The following ITGAL variants were observed in gnomAD, a reference collection of about 807,000 sequenced individuals.
ITGAL encodes integrin alpha-L.
In ITGAL, 68 loss-of-function variants were observed where a neutral mutation model predicts 138.4. The ratio of observed to expected loss-of-function variants is 0.49; its 90% CI spans 0.40 to 0.60. The LOEUF is 0.60. Ranked by LOEUF, ITGAL falls within the 20% of genes least tolerant of loss-of-function variation. The pLI is 0.00. For synonymous variants in ITGAL, 561 were observed against 584.3 expected (o/e 0.96, Z 0.57); for missense variants, 1,256 against 1,478.6 (o/e 0.85, Z 2.47).
intron 7 of ITGAL, among the ~76,000 whole-genome samples, 164 bp downstream of exon 7, chr16:30,481,748 C>T (rs191039528): frequency 3.9e-5 from 6 of 152,224 alleles, no homozygotes; most frequent in East Asian, 3.9e-4. Context: ...TTTGGTTGTA[C>T]GTAACAGAAA....
chr16:30,521,646 G>C lies in ITGAL; in HGVS notation c.3494G>C (p.Ser1165Thr). 6.2e-7 allele frequency: 1 copy of C among 1,614,004 alleles called. No homozygotes were observed. Among genetic ancestry groups the C allele is most frequent in the Non-Finnish European group, 8.5e-7 (1 of 1,180,018 alleles). The change falls in exon 31 of 31, where the codon AGT (serine) becomes ACT (threonine). Residue 1165 changes from serine (S) to threonine (T), a missense_variant. Ser to Thr is a moderately conservative substitution (Grantham distance 58). Coordinates refer to ENST00000356798, the MANE Select transcript of ITGAL (RefSeq NM_002209.3). ...CCCCTCCATGAGAAGGACTCTGAGA[G>C]TGGTGGTGGCAAGGACTGAGTCCAG... ...LKPLHEKDSE[S>T]GGGKD
At chr16:30,497,211 C>T (rs1223890407) in intron 15 of ITGAL, among the ~76,000 whole-genome samples, 4 of 151,588 alleles carry the variant, frequency 2.6e-5, no homozygotes, top group Non-Finnish European at 5.9e-5. Context: ...GGCGTGGTGG[C>T]GGGTGCCTGT....
intron 17 of ITGAL, among the ~76,000 whole-genome samples, chr16:30,501,494 T>C (rs1002604796): frequency 6.6e-5 from 10 of 151,256 alleles, no homozygotes; most frequent in Non-Finnish European, 1.3e-4. Flanking sequence ...GGAAAATCAC[T>C]TGAACCCAGG....
intron 6 of ITGAL, chr16:30,481,213 G>T: frequency 8.5e-6 from 4 of 472,544 alleles, no homozygotes; most frequent in South Asian, 4.3e-5. Context: ...GGGTGTGGTG[G>T]CACGTGCCTG....
Position 30,494,459 on chromosome 16 carries a change from G to A in ITGAL, c.1365+96G>A. 6.8e-6 allele frequency: 9 copies of A among 1,328,694 alleles called. No individual in the cohort carries two copies. Among genetic ancestry groups the A allele is most frequent in the Non-Finnish European group, 9.2e-6 (9 of 977,016 alleles). 82.3% of individuals were successfully genotyped at this position (1,328,694 alleles called of 1,614,324 possible). On this transcript the variant is annotated intron_variant, in intron 12 of 30. Transcript: ENST00000356798. This position sits in a 1 kb window ranked among gnomAD's most constrained non-coding sequence, Gnocchi z 4.2. Reference sequence around the variant, plus strand: ...TGAATGCTCATCCACTTACCATGTGGCAGCCCCTGTGCTAAACATGATCAC... The same window carrying A: ...TGAATGCTCATCCACTTACCATGTGACAGCCCCTGTGCTAAACATGATCAC...
chr16:30,504,165 T>C lies in ITGAL; in HGVS notation c.2146-10T>C. ...ATTCATGACATAGGCTGTATTCTTATCACCCTCAGGTATGTGTTCAAGACC... is the reference window on the plus strand; with the variant it reads ...ATTCATGACATAGGCTGTATTCTTACCACCCTCAGGTATGTGTTCAAGACC... On this transcript the variant is annotated splice_polypyrimidine_tract_variant and intron_variant, in intron 17 of 30. Transcript: ENST00000356798. 1 of 1,599,382 alleles carries C rather than the reference T, an allele frequency of 6.3e-7. No individual in the cohort carries two copies.
intron 6 of ITGAL, chr16:30,480,965 C>A (rs116154025): frequency 0.013 from 2,119 of 162,554 alleles, 50 homozygotes; most frequent in African/African-American, 0.048. Context: ...ACCGTGCACT[C>A]CAGCCTGGGA....
intron 22 of ITGAL, 58 bp from the exon 23 acceptor site, chr16:30,510,823 G>A (rs1216759958): frequency 5.3e-5 from 70 of 1,317,760 alleles, no homozygotes; most frequent in South Asian, 9.4e-5. Context: ...AGATGTGGGG[G>A]CCATGAGGCT....
chr16:30,496,396 C>T (rs1446156286), intron 14 of ITGAL, 40 bp from the exon 15 acceptor site: 4 of 1,613,856 alleles, frequency 2.5e-6, no homozygotes, highest in South Asian at 1.1e-5. Context: ...CTCCAACCTA[C>T]CTCTCCTCAG....
At position 30,518,671 on chromosome 16, in the gene ITGAL, C is replaced by T; in HGVS notation, c.3180C>T (p.Asn1060=). ...GCAGCTCCCTCTCCATCTCCTTCAA[C>T]AGCAGCAAGCATTTCCACCTCTATG... ...SLCSSLSISF[N]SSKHFHLYGS... Residue 1060 remains asparagine, a synonymous_variant, in exon 29 of 31, where the codon AAC becomes AAT. Coordinates refer to ENST00000356798, the MANE Select transcript of ITGAL (RefSeq NM_002209.3). 1 of 1,614,076 alleles carries T rather than the reference C, an allele frequency of 6.2e-7. No homozygotes were observed. The highest frequency in any genetic ancestry group is 8.5e-7 in the Non-Finnish European group (1 of 1,179,958).
At chr16:30,477,895 C>G (rs1264817475) in intron 4 of ITGAL, among the ~76,000 whole-genome samples, 2 of 140,652 alleles carry the variant, frequency 1.4e-5, no homozygotes, top group East Asian at 4.2e-4. Flanking sequence ...AGAAAGAAAG[C>G]AAGGAAAGAA....
At chr16:30,511,642 G>T (rs1020699904) in intron 24 of ITGAL, among the ~76,000 whole-genome samples, 1 of 152,202 alleles carries the variant, frequency 6.6e-6, no homozygotes, top group East Asian at 1.9e-4. Context: ...CCTGGGGGCC[G>T]ATAATGCCAG....
At position 30,499,506 on chromosome 16, in the gene ITGAL, C is replaced by G. The variant is rs1366688132; in HGVS notation, c.2145+17C>G. ...CATTTCCCGGTAAGGGAGCCAGCGC[C>G]AATGCTCTGGGATGAGCTACCTGCA... On this transcript the variant is annotated intron_variant, in intron 17 of 30. Transcript: ENST00000356798. The G allele has an allele frequency of 6.2e-7, 1 of 1,612,102 alleles. No individual in the cohort carries two copies. The highest frequency in any genetic ancestry group is 1.1e-5 in the South Asian group (1 of 91,012).
Position 30,496,013 on chromosome 16 carries a change from C to T in ITGAL, c.1504-84C>T, listed in dbSNP as rs376971288. ...CAATTCTGTGAGGGACCCCATCTTA[C>T]GTTTCTTTAGCATTCTTCACTCAGT... On this transcript the variant is annotated intron_variant, in intron 13 of 30. Transcript: ENST00000356798. 83 of 1,156,210 alleles carry T rather than the reference C, an allele frequency of 7.2e-5. No individual in the cohort carries two copies. The African/African-American group carries it at 1.1e-3, about 15-fold the overall frequency. 71.6% of individuals were successfully genotyped at this position (1,156,210 alleles called of 1,614,324 possible).
intron 4 of ITGAL, among the ~76,000 whole-genome samples, chr16:30,477,755 G>A (rs541013963): frequency 3.2e-4 from 48 of 151,696 alleles, no homozygotes; most frequent in Non-Finnish European, 6.6e-4. Flanking sequence ...GCATGGTGGC[G>A]TGTGCCTGTA....
At chr16:30,500,012 G>T (rs1054484283) in intron 17 of ITGAL, among the ~76,000 whole-genome samples, 1 of 149,652 alleles carries the variant, frequency 6.7e-6, no homozygotes, top group Admixed American at 6.7e-5. Flanking sequence ...GCCTCCCAAA[G>T]TGCTGGGATT....
intron 25 of ITGAL, among the ~76,000 whole-genome samples, chr16:30,515,317 C>A (rs1004354915): frequency 6.6e-6 from 1 of 152,160 alleles, no homozygotes; most frequent in Non-Finnish European, 1.5e-5. Flanking sequence ...TTTCTGCTAC[C>A]GCCCAGACCC....
At chr16:30,498,783 C>CG in intron 15 of ITGAL, 3 of 290,996 alleles carry the variant, frequency 1.0e-5, no homozygotes, top group South Asian at 6.6e-5. Context: ...TGCCTGTGGT[C>CG]CCAGATCCTT....
At chr16:30,512,143 G>T (rs934680554) in intron 24 of ITGAL, among the ~76,000 whole-genome samples, 2 of 152,138 alleles carry the variant, frequency 1.3e-5, no homozygotes, top group African/African-American at 4.8e-5. Flanking sequence ...AAAACTACAT[G>T]ATAGCTGTTT....
Sources: gnomAD v4.1 joint callset for allele counts (sites outside exome capture counted in the v4.1 genomes callset) on GRCh38, gnomAD v4.1.1 for gene constraint, Gnocchi (gnomAD v3.1) non-coding constraint, MANE v1.5 for transcripts, NCBI Gene and HGNC (gene_info 2026-07-23, HGNC 2026-07-21) for gene names.